Variants in DYSF observed in about 807,000 individuals in gnomAD.
DYSF encodes dysferlin.
In DYSF, 212 loss-of-function variants were observed where a neutral mutation model predicts 274.9. The ratio of observed to expected loss-of-function variants is 0.77; its 90% CI spans 0.69 to 0.86. DYSF has a LOEUF of 0.86. Ranked by LOEUF, DYSF falls within the 40% of genes least tolerant of loss-of-function variation. DYSF has a pLI of 0.00. For synonymous variants in DYSF, 1,091 were observed against 1,078.7 expected, an observed-to-expected ratio of 1.01 and a Z score of -0.22; for missense variants, 2,666 against 2,783.2, an observed-to-expected ratio of 0.96 and a Z score of 0.95.
At chr2:71,582,795 C>T (rs1305760080) in intron 30 of DYSF, among the ~76,000 whole-genome samples, 1 of 152,070 alleles carries the variant, frequency 6.6e-6, no homozygotes, top group African/African-American at 2.4e-5. Context: ...AAGAGACGGG[C>T]AGTAGCACAC....
chr2:71,546,180 TC>T (rs1424770606), intron 17 of DYSF, among the ~76,000 whole-genome samples: 1 of 152,216 alleles, frequency 6.6e-6, no homozygotes, highest in Non-Finnish European at 1.5e-5. Context: ...GGGCCAAGCC[TC>T]CCCGACTTGC....
chr2:71,634,947 G>A (rs2094374397), intron 41 of DYSF, among the ~76,000 whole-genome samples: 1 of 152,130 alleles, frequency 6.6e-6, no homozygotes, highest in Non-Finnish European at 1.5e-5. Context: ...ACAGGGAGTG[G>A]GGCACCATTA....
chr2:71,580,664 T>C (rs1377314736), intron 30 of DYSF, among the ~76,000 whole-genome samples: 2 of 152,180 alleles, frequency 1.3e-5, no homozygotes, highest in African/African-American at 2.4e-5. Context: ...ACTCTGTTTC[T>C]TGAATATTCA....
chr2:71,527,567 G>A (rs148487650), intron 13 of DYSF, among the ~76,000 whole-genome samples: 2 of 143,312 alleles, frequency 1.4e-5, no homozygotes, highest in Non-Finnish European at 3.0e-5. Flanking sequence ...AGAGCTTTGT[G>A]TTGAATTCCC....
intron 17 of DYSF, among the ~76,000 whole-genome samples, chr2:71,546,184 C>T (rs967474017): frequency 2.6e-5 from 4 of 152,240 alleles, no homozygotes; most frequent in African/African-American, 7.2e-5. Context: ...CAAGCCTCCC[C>T]GACTTGCCTG....
chr2:71,515,884 C>T, intron 8 of DYSF, 133 bp downstream of exon 8: 1 of 1,346,576 alleles, frequency 7.4e-7, no homozygotes, highest in Non-Finnish European at 1.0e-6. Flanking sequence ...TGTGCTGGCT[C>T]CCAAGGAGGT....
At chr2:71,562,007 G>T (rs1322756473) in intron 23 of DYSF, 63 bp downstream of exon 23, 7 of 1,570,696 alleles carry the variant, frequency 4.5e-6, no homozygotes, top group Non-Finnish European at 6.0e-6. Flanking sequence ...ATCAGAACTG[G>T]CAGGGACAAG....
chr2:71,572,158 C>G (rs2092522533), intron 29 of DYSF, among the ~76,000 whole-genome samples: 1 of 145,376 alleles, frequency 6.9e-6, no homozygotes, highest in Non-Finnish European at 1.5e-5. Context: ...CAGATCACAC[C>G]CAGCATGGAT....
chr2:71,639,548 C>T (rs1444864427), intron 41 of DYSF, among the ~76,000 whole-genome samples: 2 of 152,044 alleles, frequency 1.3e-5, no homozygotes. Context: ...CTTTTCATGT[C>T]AGTAAATATA....
chr2:71,651,196 G>T (rs561043728), intron 42 of DYSF, among the ~76,000 whole-genome samples: 22 of 151,548 alleles, frequency 1.5e-4, no homozygotes, highest in African/African-American at 5.3e-4. Context: ...AGGAAAAGCA[G>T]AAAAAATTAG....
intron 30 of DYSF, among the ~76,000 whole-genome samples, chr2:71,581,559 C>G (rs986065377): frequency 6.6e-6 from 1 of 152,200 alleles, no homozygotes; most frequent in Non-Finnish European, 1.5e-5. Flanking sequence ...TCCCCACAGC[C>G]CTGACTTGGC....
intron 41 of DYSF, among the ~76,000 whole-genome samples, chr2:71,625,899 A>T (rs911377937): frequency 1.3e-5 from 2 of 151,960 alleles, no homozygotes; most frequent in Non-Finnish European, 2.9e-5. Flanking sequence ...AATTTTATGC[A>T]TTATTGTTCT....
chr2:71,619,251 C>T (rs2094030113), intron 40 of DYSF, among the ~76,000 whole-genome samples: 1 of 152,026 alleles, frequency 6.6e-6, no homozygotes, highest in Admixed American at 6.5e-5. Context: ...AGGGGTGGCA[C>T]GTGGAGTTCA....
At chr2:71,506,441 C>T (rs576405860) in intron 4 of DYSF, among the ~76,000 whole-genome samples, 48 of 152,216 alleles carry the variant, frequency 3.2e-4, no homozygotes, top group African/African-American at 1.1e-3. Context: ...GGTGGACACA[C>T]GATTGACTGA....
chr2:71,618,187 A>T (rs923596453), intron 40 of DYSF, among the ~76,000 whole-genome samples: 2 of 4,718 alleles, frequency 4.2e-4, no homozygotes, highest in African/African-American at 7.4e-4. Context: ...GTGGGGTATA[A>T]GTGTGTGTGG....
chr2:71,487,342 T>C (rs914140775), intron 3 of DYSF, among the ~76,000 whole-genome samples: 1 of 151,868 alleles, frequency 6.6e-6, no homozygotes. Flanking sequence ...AGAAATGACC[T>C]GGGAGCTTAA....
intron 3 of DYSF, among the ~76,000 whole-genome samples, chr2:71,486,485 C>G (rs1213100965): frequency 2.0e-5 from 3 of 152,196 alleles, no homozygotes; most frequent in Non-Finnish European, 4.4e-5. Context: ...ACTGTCCTCT[C>G]TTTCCTATGG....
intron 42 of DYSF, among the ~76,000 whole-genome samples, chr2:71,647,403 A>G (rs1231377331): frequency 6.6e-6 from 1 of 152,262 alleles, no homozygotes; most frequent in Admixed American, 6.5e-5. Flanking sequence ...AAAATGAGAA[A>G]TTAATAACAA....
At chr2:71,526,418 T>TGGGGGTTG in intron 13 of DYSF, 72 bp downstream of exon 13, 1 of 261,504 alleles carries the variant, frequency 3.8e-6, no homozygotes. Context: ...GGGTGGGCGA[T>TGGGGGTTG]GGCGGGCGGG....
Sources: gnomAD v4.1 joint callset for allele counts (sites outside exome capture counted in the v4.1 genomes callset) on GRCh38, gnomAD v4.1.1 for gene constraint, MANE v1.5 for transcripts, NCBI Gene and HGNC (gene_info 2026-07-23, HGNC 2026-07-21) for gene names.